Variants in TMEM178B observed in about 807,000 individuals in gnomAD.
The protein encoded by TMEM178B is transmembrane protein 178B.
Under a neutral mutation model 31.0 loss-of-function variants are expected in TMEM178B, and 5 were observed. The ratio of observed to expected loss-of-function variants is 0.16; its 90% CI spans 0.08 to 0.34. The LOEUF is 0.34. TMEM178B is among the 10% of genes least tolerant of loss of function. TMEM178B has a pLI of 1.00. For synonymous variants in TMEM178B, 164 were observed against 164.0 expected (o/e 1.00, Z 0.00); for missense variants, 275 against 400.3 (o/e 0.69, Z 2.67).
chr7:141,252,715 A>G (rs1278328657), intron 2 of TMEM178B, among the ~76,000 whole-genome samples: 1 of 152,202 alleles, frequency 6.6e-6, no homozygotes, highest in African/African-American at 2.4e-5. Context: ...TAACTCCTGG[A>G]TGAAATTGAG....
chr7:141,414,682 A>G (rs1380236468), intron 2 of TMEM178B: 1 of 152,532 alleles, frequency 6.6e-6, no homozygotes, highest in Non-Finnish European at 1.5e-5. Context: ...ATCTATCTCC[A>G]TCTTCTCTGA....
intron 1 of TMEM178B, among the ~76,000 whole-genome samples, chr7:141,105,344 C>T (rs549577576): frequency 6.6e-6 from 1 of 152,154 alleles, no homozygotes; most frequent in Admixed American, 6.5e-5. Context: ...CCTGTCTCTA[C>T]TAAAAATACA....
chr7:141,330,940 A>G (rs895805122), intron 2 of TMEM178B, among the ~76,000 whole-genome samples: 1 of 152,252 alleles, frequency 6.6e-6, no homozygotes, highest in African/African-American at 2.4e-5. Context: ...GGTTGAGCCA[A>G]CAGGCTTTGC....
intron 2 of TMEM178B, among the ~76,000 whole-genome samples, chr7:141,288,021 G>A (rs1488669381): frequency 3.9e-5 from 6 of 151,900 alleles, no homozygotes; most frequent in African/African-American, 1.5e-4. Context: ...TTTTAAAAAT[G>A]TTCTAGCACT....
chr7:141,206,528 G>A (rs2129187086), intron 1 of TMEM178B, among the ~76,000 whole-genome samples: 1 of 152,296 alleles, frequency 6.6e-6, no homozygotes, highest in Non-Finnish European at 1.5e-5. Flanking sequence ...ATTGAAGGTT[G>A]GAGCAATGAG....
rs572664158 is a variant in TMEM178B at position 141,309,459 on chromosome 7, A to G, written c.496+96755A>G. ...ACTAGGGAGAAAATAAAAATCACTG[A>G]TAATCTCAGTACCCAAAAATAACTG... is the stretch of plus-strand genomic sequence containing the variant. On this transcript the variant is annotated intron_variant, in intron 2 of 3. Coordinates refer to ENST00000565468, the MANE Select transcript of TMEM178B (RefSeq NM_001195278.2). 3.3e-5 allele frequency among the ~76,000 whole-genome samples: 5 copies of G among 152,358 alleles called. No individual in the cohort carries two copies. In the East Asian group the frequency reaches 9.6e-4, roughly 29 times the overall value.
the TMEM178B span, among the ~76,000 whole-genome samples, chr7:141,498,072 C>T: frequency 3.3e-5 from 5 of 152,354 alleles, no homozygotes; most frequent in African/African-American, 1.2e-4. Context: ...ATACCTCACC[C>T]TGCAATAAGT....
At chr7:141,266,623 A>G (rs73167493) in intron 2 of TMEM178B, among the ~76,000 whole-genome samples, 2,736 of 152,244 alleles carry the variant, frequency 0.018, 30 homozygotes, top group Non-Finnish European at 0.028. Flanking sequence ...GCCTCTGGAC[A>G]TCTTGAGCAA....
At chr7:141,421,032 A>G (rs1801199686) in intron 2 of TMEM178B, among the ~76,000 whole-genome samples, 2 of 152,210 alleles carry the variant, frequency 1.3e-5, no homozygotes, top group African/African-American at 4.8e-5. Context: ...AGAAGGAGCT[A>G]GAGGCTATCT....
At chr7:141,412,738 T>A (rs1358004898) in intron 2 of TMEM178B, among the ~76,000 whole-genome samples, 1 of 152,140 alleles carries the variant, frequency 6.6e-6, no homozygotes, top group Non-Finnish European at 1.5e-5. Flanking sequence ...CCCACATAGA[T>A]CACCTTTGTG....
chr7:141,323,506 G>A (rs369462097), intron 2 of TMEM178B, among the ~76,000 whole-genome samples: 48 of 152,254 alleles, frequency 3.2e-4, no homozygotes, highest in South Asian at 2.7e-3. Context: ...GCTGCATAGC[G>A]TATCACTTTA....
At chr7:141,345,462 A>G (rs1799602340) in intron 2 of TMEM178B, among the ~76,000 whole-genome samples, 2 of 152,142 alleles carry the variant, frequency 1.3e-5, no homozygotes, top group Non-Finnish European at 1.5e-5. Flanking sequence ...TCGTTATAGT[A>G]CTAGTCTCTT....
At chr7:141,299,891 C>T (rs538415713) in intron 2 of TMEM178B, among the ~76,000 whole-genome samples, 2 of 152,154 alleles carry the variant, frequency 1.3e-5, no homozygotes, top group African/African-American at 4.8e-5. Context: ...CTCAAGTGAT[C>T]GTCCCACCTT....
intron 2 of TMEM178B, among the ~76,000 whole-genome samples, chr7:141,328,412 A>C (rs945569168): frequency 6.6e-6 from 1 of 152,194 alleles, no homozygotes; most frequent in Non-Finnish European, 1.5e-5. Context: ...AGGAGGCTAG[A>C]GACTCAGGGA....
At chr7:141,407,737 C>T (rs941585883) in intron 2 of TMEM178B, among the ~76,000 whole-genome samples, 11 of 152,038 alleles carry the variant, frequency 7.2e-5, no homozygotes, top group Non-Finnish European at 1.5e-5. Context: ...ATCTGATGCC[C>T]GAACCTACAT....
At chr7:141,440,366 C>A (rs1034729175) in intron 3 of TMEM178B, among the ~76,000 whole-genome samples, 16 of 152,196 alleles carry the variant, frequency 1.1e-4, no homozygotes, top group African/African-American at 3.9e-4. Flanking sequence ...GCTGGGACCC[C>A]ACTCCAGACC....
chr7:141,255,296 G>A (rs1187830375), intron 2 of TMEM178B, among the ~76,000 whole-genome samples: 4 of 152,156 alleles, frequency 2.6e-5, no homozygotes, highest in Admixed American at 6.5e-5. Context: ...TCAATTCAAG[G>A]CCAGACTCTA....
At chr7:141,148,428 C>T (rs1424099473) in intron 1 of TMEM178B, among the ~76,000 whole-genome samples, 2 of 152,104 alleles carry the variant, frequency 1.3e-5, no homozygotes, top group Admixed American at 1.3e-4. Context: ...ATTAAAGGCA[C>T]AGACAGAGGA....
At chr7:141,399,896 C>G (rs796259876) in intron 2 of TMEM178B, among the ~76,000 whole-genome samples, 2 of 152,080 alleles carry the variant, frequency 1.3e-5, no homozygotes, top group Non-Finnish European at 2.9e-5. Flanking sequence ...TTTCTTCCTT[C>G]CTATATTTGA....
Sources: gnomAD v4.1 joint callset for allele counts (sites outside exome capture counted in the v4.1 genomes callset) on GRCh38, gnomAD v4.1.1 for gene constraint, MANE v1.5 for transcripts, NCBI Gene and HGNC (gene_info 2026-07-23, HGNC 2026-07-21) for gene names.